Variants in ACTG1 observed in about 807,000 individuals in gnomAD.
ACTG1 encodes the protein actin, cytoplasmic 2.
ACTG1 carries 14 observed loss-of-function variants against 34.3 expected under a neutral mutation model. That is an observed-to-expected ratio of 0.41 (90% CI 0.27 to 0.64). ACTG1 has a LOEUF of 0.64. ACTG1 is among the 30% of genes least tolerant of loss of function. ACTG1 has a pLI of 0.33. For missense variants in ACTG1, 233 were observed against 529.5 expected, an observed-to-expected ratio of 0.44 and a Z score of 5.50; for synonymous variants, 422 against 213.9, an observed-to-expected ratio of 1.97 and a Z score of -8.49.
Position 81,512,373 on chromosome 17 carries a change from G to C in ACTG1, c.-6-13C>G, listed in dbSNP as rs200070347. 3.7e-6 allele frequency: 6 copies of C among 1,613,906 alleles called. No homozygotes were observed. The African/African-American group carries it at 5.3e-5, about 14-fold the overall frequency. On this transcript the variant is annotated splice_polypyrimidine_tract_variant and intron_variant, in intron 1 of 5. Transcript: ENST00000573283. ...CTTCCATTGCGACCTGCCCGGAAAA[G>C]GATGGACTCAGGCGGGCGCGTCTGT... is the stretch of plus-strand genomic sequence containing the variant.
rs1201320602 is a variant in ACTG1 at position 81,510,390 on chromosome 17, A to G, written c.*300T>C. 2.0e-6 allele frequency: 1 copy of G among 498,682 alleles called. No individual in the cohort carries two copies. The highest frequency in any genetic ancestry group is 1.9e-5 in the African/African-American group (1 of 51,538). 30.9% of individuals were successfully genotyped at this position (498,682 alleles called of 1,614,324 possible). On this transcript the variant is annotated 3_prime_UTR_variant, in exon 6 of 6. Transcript: ENST00000573283. ...ACCAAGCCACAGACTTGTCTTCCACAAGCACGTTCTTACCTTAGCCACGAA... is the reference window on the plus strand; with the variant it reads ...ACCAAGCCACAGACTTGTCTTCCACGAGCACGTTCTTACCTTAGCCACGAA...
intron 3 of ACTG1, 89 bp from the exon 4 acceptor site, chr17:81,511,715 G>C (rs782260985): frequency 1.3e-6 from 2 of 1,518,264 alleles, no homozygotes; most frequent in Non-Finnish European, 1.8e-6. Flanking sequence ...ATGCCAGTGT[G>C]ATGTGTGGAG....
In ACTG1 at chr17:81,511,327, C is replaced by T; in HGVS notation, c.663G>A (p.Leu221=). The change falls in exon 4 of 6, where the codon CTG becomes CTA. Residue 221 remains leucine, a synonymous_variant. Transcript: ENST00000573283. ...DIKEKLCYVA[L]DFEQEMATAA... ...CGGTGGCCATCTCCTGCTCGAAGTCCAGGGCGACGTAGCACAGCTTCTCCT... is the reference window on the plus strand; with the variant it reads ...CGGTGGCCATCTCCTGCTCGAAGTCTAGGGCGACGTAGCACAGCTTCTCCT... 2 of 1,613,826 alleles carry T rather than the reference C, an allele frequency of 1.2e-6. No homozygotes were observed. Among genetic ancestry groups the T allele is most frequent in the Non-Finnish European group, 8.5e-7 (1 of 1,180,038 alleles).
chr17:81,510,077 G>C lies in ACTG1; in HGVS notation c.*613C>G, dbSNP rs782229732. Reference sequence around the variant, plus strand: ...CAAAATTTGTTGTCATCTCTTCAAAGAATCGAGAATTGCGTACAAAAAAAA... The same window carrying C: ...CAAAATTTGTTGTCATCTCTTCAAACAATCGAGAATTGCGTACAAAAAAAA... On this transcript the variant is annotated 3_prime_UTR_variant, in exon 6 of 6. Coordinates refer to ENST00000573283, the MANE Select transcript of ACTG1 (RefSeq NM_001614.5). 1.5e-5 allele frequency: 7 copies of C among 456,402 alleles called. No individual in the cohort carries two copies. The highest frequency in any genetic ancestry group is 3.0e-5 in the Non-Finnish European group (7 of 229,788). 28.3% of individuals were successfully genotyped at this position (456,402 alleles called of 1,614,324 possible). A position where few individuals can be genotyped will look rare whatever the true frequency, so the allele number is the denominator to read the frequency against.
In ACTG1 at chr17:81,510,619, G is replaced by A. The variant is rs1182682585; in HGVS notation, c.*71C>T. 1 of 1,580,638 alleles carries A rather than the reference G, an allele frequency of 6.3e-7. No individual in the cohort carries two copies. Among genetic ancestry groups the A allele is most frequent in the Non-Finnish European group, 8.7e-7 (1 of 1,151,346 alleles). On this transcript the variant is annotated 3_prime_UTR_variant, in exon 6 of 6. Coordinates refer to ENST00000573283, the MANE Select transcript of ACTG1 (RefSeq NM_001614.5). ...TTCGTGAGGCTAGCATGAGGTGTGTGCATTTGCCAGGGGCAAATTTCTATT... is the reference window on the plus strand; with the variant it reads ...TTCGTGAGGCTAGCATGAGGTGTGTACATTTGCCAGGGGCAAATTTCTATT...
In ACTG1 at chr17:81,512,356, G is replaced by T. The variant is rs1401981120; in HGVS notation, c.-2C>A. 6.2e-7 allele frequency: 1 copy of T among 1,613,832 alleles called. No homozygotes were observed. The highest frequency in any genetic ancestry group is 2.2e-5 in the East Asian group (1 of 44,886). On this transcript the variant is annotated 5_prime_UTR_variant, in exon 2 of 6. Coordinates refer to ENST00000573283, the MANE Select transcript of ACTG1 (RefSeq NM_001614.5). ...CAGCGCGGCGATCTCTTCTTCCATTGCGACCTGCCCGGAAAAGGATGGACT... is the reference window on the plus strand; with the variant it reads ...CAGCGCGGCGATCTCTTCTTCCATTTCGACCTGCCCGGAAAAGGATGGACT...
At position 81,512,068 on chromosome 17, in the gene ACTG1, G is replaced by A. The variant is rs147032031; in HGVS notation, c.198C>T (p.Thr66=). The part of the protein sequence containing the change: ...DEAQSKRGIL[T]LKYPIEHGIV... Reference sequence around the variant, plus strand: ...TGCCATGCTCAATGGGGTACTTCAGGGTCAGGATGCCACGCTTGCTCTGGG... The same window carrying A: ...TGCCATGCTCAATGGGGTACTTCAGAGTCAGGATGCCACGCTTGCTCTGGG... Residue 66 remains threonine (T), a synonymous_variant, in exon 3 of 6, where the codon ACC becomes ACT. Coordinates refer to ENST00000573283, the MANE Select transcript of ACTG1 (RefSeq NM_001614.5). 3.9e-5 allele frequency: 63 copies of A among 1,613,832 alleles called. 1 individual carries two copies. Among genetic ancestry groups the A allele is most frequent in the South Asian group, 2.3e-4 (21 of 91,094 alleles).
At chr17:81,512,436 C>G in intron 1 of ACTG1, 76 bp from the exon 2 acceptor site, 1 of 1,610,948 alleles carries the variant, frequency 6.2e-7, no homozygotes, top group Middle Eastern at 1.7e-4. Flanking sequence ...AATGCCCTCC[C>G]GCGGGGAAGC....
chr17:81,510,067 T>A lies in ACTG1; in HGVS notation c.*623A>T. 4.4e-6 allele frequency: 2 copies of A among 454,262 alleles called. No individual in the cohort carries two copies. Among genetic ancestry groups the A allele is most frequent in the Non-Finnish European group, 8.8e-6 (2 of 227,860 alleles). The allele number at this position is 454,262 out of a possible 1,614,324, so 28.1% of individuals were successfully genotyped here. On this transcript the variant is annotated 3_prime_UTR_variant, in exon 6 of 6. Transcript: ENST00000573283. ...AGTAGAAAACCAAAATTTGTTGTCATCTCTTCAAAGAATCGAGAATTGCGT... is the reference window on the plus strand; with the variant it reads ...AGTAGAAAACCAAAATTTGTTGTCAACTCTTCAAAGAATCGAGAATTGCGT...
In ACTG1 at chr17:81,511,664, G is replaced by C. The variant is rs782677711; in HGVS notation, c.364-38C>G. On this transcript the variant is annotated intron_variant, in intron 3 of 5. Transcript: ENST00000573283. The stretch of plus-strand genomic sequence containing the variant: ...AAGGGGCGGCTTAGTCAGGGACAGA[G>C]ACCCACGGCCACCCCATGCTCACAC... The C allele has an allele frequency of 1.5e-5, 24 of 1,596,240 alleles. No individual in the cohort carries two copies. The Admixed American group carries it at 2.0e-4, about 13-fold the overall frequency.
rs1488321672 is a variant in ACTG1 at position 81,510,181 on chromosome 17, G to A, written c.*509C>T. Reference sequence around the variant, plus strand: ...CAACTCAAAGCAAGTAACAGCCCACGGTGTTCTGGCCAAAGACATCAGCTA... The same window carrying A: ...CAACTCAAAGCAAGTAACAGCCCACAGTGTTCTGGCCAAAGACATCAGCTA... On this transcript the variant is annotated 3_prime_UTR_variant, in exon 6 of 6. Coordinates refer to ENST00000573283, the MANE Select transcript of ACTG1 (RefSeq NM_001614.5). 35 of 503,568 alleles carry A rather than the reference G, an allele frequency of 7.0e-5. No homozygotes were observed. Among genetic ancestry groups the A allele is most frequent in the Admixed American group, 1.9e-4 (8 of 42,626 alleles). The allele number at this position is 503,568 out of a possible 1,614,324, so 31.2% of individuals were successfully genotyped here. A position where few individuals can be genotyped will look rare whatever the true frequency, so the allele number is the denominator to read the frequency against.
intron 3 of ACTG1, 36 bp downstream of exon 3, chr17:81,511,867 A>C: frequency 6.2e-7 from 1 of 1,612,718 alleles, no homozygotes; most frequent in Non-Finnish European, 8.5e-7. Context: ...GACTGGGGAA[A>C]GGACGGGAGG....
Position 81,511,740 on chromosome 17 carries a change from C to A in ACTG1, c.364-114G>T, listed in dbSNP as rs555229238. On this transcript the variant is annotated intron_variant, in intron 3 of 5. Coordinates refer to ENST00000573283, the MANE Select transcript of ACTG1 (RefSeq NM_001614.5). Reference sequence around the variant, plus strand: ...GATGTGTGGAGAAAAGAAAAGAACGCAGGCAGAAACCAAATGAGAAACCTG... The same window carrying A: ...GATGTGTGGAGAAAAGAAAAGAACGAAGGCAGAAACCAAATGAGAAACCTG... 4 of 1,515,580 alleles carry A rather than the reference C, an allele frequency of 2.6e-6. No individual in the cohort carries two copies. The African/African-American group carries it at 4.2e-5, about 16-fold the overall frequency. 93.9% of individuals were successfully genotyped at this position (1,515,580 alleles called of 1,614,324 possible).
Position 81,512,543 on chromosome 17 carries a change from G to A in ACTG1, c.-6-183C>T, listed in dbSNP as rs555742227. ...TTTACGTAACGTCCACGGCTCGGAA[G>A]TCTGCACTGCGGCCGGGCCCCGCCC... On this transcript the variant is annotated intron_variant, in intron 1 of 5. Coordinates refer to ENST00000573283, the MANE Select transcript of ACTG1 (RefSeq NM_001614.5). 8.5e-5 allele frequency: 84 copies of A among 992,542 alleles called. 1 individual carries two copies. The Middle Eastern group carries it at 1.4e-3, about 16-fold the overall frequency. 61.5% of individuals were successfully genotyped at this position (992,542 alleles called of 1,614,324 possible). A position where few individuals can be genotyped will look rare whatever the true frequency, so the allele number is the denominator to read the frequency against.
At position 81,510,037 on chromosome 17, in the gene ACTG1, A is replaced by C. The variant is rs186261668; in HGVS notation, c.*653T>G. 4 of 448,686 alleles carry C rather than the reference A, an allele frequency of 8.9e-6. No individual in the cohort carries two copies. Among genetic ancestry groups the C allele is most frequent in the Non-Finnish European group, 1.3e-5 (3 of 223,800 alleles). 27.8% of individuals were successfully genotyped at this position (448,686 alleles called of 1,614,324 possible). A position where few individuals can be genotyped will look rare whatever the true frequency, so the allele number is the denominator to read the frequency against. ...TGTTGCTGGGGCCTAATGTTCTCAC[A>C]TAACAGTAGAAAACCAAAATTTGTT... On this transcript the variant is annotated 3_prime_UTR_variant, in exon 6 of 6. Coordinates refer to ENST00000573283, the MANE Select transcript of ACTG1 (RefSeq NM_001614.5).
rs375159565 is a variant in ACTG1, at chr17:81,512,269, G to A, written c.86C>T (p.Ala29Val). The change falls in exon 2 of 6, where the codon GCC (alanine) becomes GTC (valine). Residue 29 changes from alanine to valine, a missense_variant. Physicochemically the swap from Ala to Val is moderately conservative, Grantham distance 64 (BLOSUM62 0). Transcript: ENST00000573283. ...AGFAGDDAPR[A>V]VFPSIVGRPR... ...GCGCCCGACGATGGAAGGAAACACG[G>A]CTCGGGGAGCGTCGTCCCCAGCAAA... 2.5e-6 allele frequency: 4 copies of A among 1,613,774 alleles called. No homozygotes were observed. Among genetic ancestry groups the A allele is most frequent in the East Asian group, 2.2e-5 (1 of 44,876 alleles).
At position 81,512,296 on chromosome 17, in the gene ACTG1, C is replaced by T. The variant is rs1555667250; in HGVS notation, c.59G>A (p.Gly20Asp). The T allele has an allele frequency of 1.2e-6, 2 of 1,613,910 alleles. No homozygotes were observed. The highest frequency in any genetic ancestry group is 2.2e-5 in the East Asian group (1 of 44,862). ...TCGGGGAGCGTCGTCCCCAGCAAAA[C>T]CAGCTTTGCACATGCCGGAGCCATT... ...IDNGSGMCKA[G>D]FAGDDAPRAV... Residue 20 changes from glycine (G) to aspartate (D), a missense_variant, in exon 2 of 6, where the codon GGT becomes GAT. Physicochemically the swap from Gly to Asp is moderately conservative, Grantham distance 94. Transcript: ENST00000573283.
Position 81,510,606 on chromosome 17 carries a change from G to A in ACTG1, c.*84C>T. ...GGCTTATTCCAGTTTCGTGAGGCTA[G>A]CATGAGGTGTGTGCATTTGCCAGGG... is the stretch of plus-strand genomic sequence containing the variant. On this transcript the variant is annotated 3_prime_UTR_variant, in exon 6 of 6. Coordinates refer to ENST00000573283, the MANE Select transcript of ACTG1 (RefSeq NM_001614.5). The A allele has an allele frequency of 3.2e-6, 5 of 1,551,404 alleles. No homozygotes were observed. Among genetic ancestry groups the A allele is most frequent in the South Asian group, 1.1e-5 (1 of 89,864 alleles).
chr17:81,510,225 T>C lies in ACTG1; in HGVS notation c.*465A>G, dbSNP rs1190806989. The C allele has an allele frequency of 1.4e-5, 7 of 511,048 alleles. No individual in the cohort carries two copies. The highest frequency in any genetic ancestry group is 6.2e-5 in the South Asian group (4 of 64,458). The allele number at this position is 511,048 out of a possible 1,614,324, so 31.7% of individuals were successfully genotyped here. On this transcript the variant is annotated 3_prime_UTR_variant, in exon 6 of 6. Transcript: ENST00000573283. ...TCAGCTAAGAAAGGAAACTGGGTCC[T>C]ACGGCTTGGACTTTCCAACCCTGAC... is the stretch of plus-strand genomic sequence containing the variant.
Sources: allele counts gnomAD v4.1 joint callset, GRCh38; gene constraint gnomAD v4.1.1; transcripts MANE v1.5; gene names NCBI Gene and HGNC (gene_info 2026-07-23, HGNC 2026-07-21).